Variants in AGBL3 observed in about 807,000 individuals in gnomAD.
AGBL3 encodes AGBL carboxypeptidase 3.
In AGBL3, 68 loss-of-function variants were observed where a neutral mutation model predicts 94.5. The observed-to-expected ratio is 0.72, with a 90% CI of 0.59 to 0.88. AGBL3 has a LOEUF of 0.88. Among genes scored for constraint, AGBL3 ranks in the 40% least tolerant of loss-of-function variants. AGBL3 has a pLI of 0.00. For synonymous variants in AGBL3, 354 were observed against 370.7 expected, an observed-to-expected ratio of 0.95 and a Z score of 0.52; for missense variants, 934 against 1,103.8, an observed-to-expected ratio of 0.85 and a Z score of 2.18.
At chr7:135,104,212 C>A (rs1824299094) in intron 15 of AGBL3, among the ~76,000 whole-genome samples, 1 of 152,134 alleles carries the variant, frequency 6.6e-6, no homozygotes, top group Admixed American at 6.5e-5. Context: ...TTAATGGCCT[C>A]CACCTCCATC....
chr7:135,071,939 G>A (rs950299516), intron 12 of AGBL3, among the ~76,000 whole-genome samples: 22 of 152,220 alleles, frequency 1.4e-4, no homozygotes, highest in Non-Finnish European at 1.8e-4. Flanking sequence ...AAGAGCTTCT[G>A]CACAGCAAAA....
intron 15 of AGBL3, among the ~76,000 whole-genome samples, chr7:135,089,551 G>A (rs1336770654): frequency 6.6e-6 from 1 of 152,204 alleles, no homozygotes; most frequent in African/African-American, 2.4e-5. Flanking sequence ...GTGCCATTTG[G>A]GAAGGATGTG....
chr7:134,988,289 G>C (rs964835605), intron 2 of AGBL3: 1 of 269,018 alleles, frequency 3.7e-6, no homozygotes, highest in African/African-American at 2.3e-5. Context: ...TTAGTTTTAG[G>C]ATTGATGTCC....
chr7:135,084,289 G>C (rs1320472346), intron 15 of AGBL3, among the ~76,000 whole-genome samples: 1 of 152,048 alleles, frequency 6.6e-6, no homozygotes, highest in Admixed American at 6.6e-5. Context: ...AATGTATAAT[G>C]ATCAAATTGA....
chr7:134,995,031 C>G (rs1166992844), intron 4 of AGBL3, among the ~76,000 whole-genome samples: 1 of 152,116 alleles, frequency 6.6e-6, no homozygotes, highest in Non-Finnish European at 1.5e-5. Flanking sequence ...ATAAAAAAGT[C>G]CAACAGAGAA....
chr7:135,121,982 G>A (rs983488477), intron 16 of AGBL3, among the ~76,000 whole-genome samples: 3 of 152,200 alleles, frequency 2.0e-5, no homozygotes, highest in Non-Finnish European at 4.4e-5. Flanking sequence ...TTTCTCAATA[G>A]CCTCTTAGCT....
At chr7:135,073,144 G>A (rs907991354) in intron 12 of AGBL3, among the ~76,000 whole-genome samples, 1 of 151,966 alleles carries the variant, frequency 6.6e-6, no homozygotes, top group African/African-American at 2.4e-5. Flanking sequence ...TCATTACCAG[G>A]GGTCGGGGAG....
chr7:135,126,212 A>C (rs1410562289), intron 16 of AGBL3, among the ~76,000 whole-genome samples: 1 of 152,254 alleles, frequency 6.6e-6, no homozygotes, highest in Admixed American at 6.5e-5. Flanking sequence ...ATACAGAATC[A>C]ATGTGCAAAA....
chr7:134,995,314 C>T (rs1810871700), intron 4 of AGBL3: 1 of 152,290 alleles, frequency 6.6e-6, no homozygotes, highest in African/African-American at 2.4e-5. Context: ...CGCATGTGCT[C>T]ATTCCACTCA....
At chr7:135,045,223 A>G (rs888871043) in intron 9 of AGBL3, among the ~76,000 whole-genome samples, 1 of 152,140 alleles carries the variant, frequency 6.6e-6, no homozygotes, top group Non-Finnish European at 1.5e-5. Context: ...CAAATATTCT[A>G]TAACTGTCTT....
chr7:135,023,264 A>G (rs1814711118), intron 5 of AGBL3, among the ~76,000 whole-genome samples: 1 of 152,182 alleles, frequency 6.6e-6, no homozygotes, highest in Non-Finnish European at 1.5e-5. Context: ...AATATCAAGT[A>G]TATCAACATA....
At position 134,988,012 on chromosome 7, in the gene AGBL3, C is replaced by T. The variant is rs1563155841; in HGVS notation, c.63+16C>T. On this transcript the variant is annotated intron_variant, in intron 2 of 16. Transcript: ENST00000436302. The stretch of plus-strand genomic sequence containing the variant: ...AGATGAATCGGTATGTTTTTCTCAA[C>T]TTTATTTTACTTGGAGATAAAATTT... 4.6e-6 allele frequency: 7 copies of T among 1,506,778 alleles called. No homozygotes were observed. The highest frequency in any genetic ancestry group is 6.3e-6 in the Non-Finnish European group (7 of 1,117,090). The allele number at this position is 1,506,778 out of a possible 1,614,324, so 93.3% of individuals were successfully genotyped here. A position where few individuals can be genotyped will look rare whatever the true frequency, so the allele number is the denominator to read the frequency against.
At chr7:135,129,038 T>G in intron 16 of AGBL3, 1 of 1,608,738 alleles carries the variant, frequency 6.2e-7, no homozygotes, top group South Asian at 1.1e-5. Flanking sequence ...AGATCAGAGA[T>G]GGCCAGGTTC....
intron 15 of AGBL3, among the ~76,000 whole-genome samples, chr7:135,109,721 G>A (rs1825332634): frequency 6.6e-6 from 1 of 152,212 alleles, no homozygotes; most frequent in Non-Finnish European, 1.5e-5. Context: ...AGAGAAATGG[G>A]ATCCAGTGCC....
At chr7:135,015,580 A>G (rs1174076868) in intron 4 of AGBL3, among the ~76,000 whole-genome samples, 1 of 80,438 alleles carries the variant, frequency 1.2e-5, no homozygotes, top group African/African-American at 3.6e-5. Flanking sequence ...TCGCTTATAT[A>G]CAAGTTCTTT....
In AGBL3 at chr7:135,082,638, G is replaced by A. The variant is rs141793788; in HGVS notation, c.2110+848G>A. 1.3e-3 allele frequency among the ~76,000 whole-genome samples: 193 copies of A among 151,964 alleles called. 3 individuals carry two copies. The highest frequency in any genetic ancestry group is 4.6e-3 in the African/African-American group (189 of 41,476). ...GATTTCACATATTCAAACCTTTAAC[G>A]TTTTATTTTCATAGTGCTACCGCTA... On this transcript the variant is annotated intron_variant, in intron 15 of 16. Coordinates refer to ENST00000436302, the MANE Select transcript of AGBL3 (RefSeq NM_178563.4).
At chr7:135,102,944 C>A (rs1193597506) in intron 15 of AGBL3, among the ~76,000 whole-genome samples, 2 of 152,226 alleles carry the variant, frequency 1.3e-5, no homozygotes, top group African/African-American at 4.8e-5. Context: ...CAAAATCATT[C>A]TCTTTAAAAG....
intron 15 of AGBL3, among the ~76,000 whole-genome samples, chr7:135,112,896 G>A (rs1825837041): frequency 1.3e-5 from 2 of 152,292 alleles, no homozygotes; most frequent in African/African-American, 4.8e-5. Flanking sequence ...CTCTGCCTCA[G>A]CCTCCTGAGT....
At chr7:135,009,131 A>G (rs1199812817) in intron 4 of AGBL3, among the ~76,000 whole-genome samples, 1 of 152,236 alleles carries the variant, frequency 6.6e-6, no homozygotes, top group Non-Finnish European at 1.5e-5. Context: ...GTAGGTATGT[A>G]CCCAAGAGAA....
Sources: gnomAD v4.1 joint callset for allele counts (sites outside exome capture counted in the v4.1 genomes callset) on GRCh38, gnomAD v4.1.1 for gene constraint, MANE v1.5 for transcripts, NCBI Gene and HGNC (gene_info 2026-07-23, HGNC 2026-07-21) for gene names.